Variants in CENPP observed in about 807,000 individuals in gnomAD.
CENPP encodes the protein centromere protein P.
A neutral mutation model predicts 35.6 loss-of-function variants in CENPP; 24 were observed. That is an observed-to-expected ratio of 0.67 (90% confidence interval 0.49 to 0.95). The LOEUF (loss-of-function observed/expected upper bound fraction) is 0.95, where lower values mean the gene tolerates loss of function less well. CENPP is among the 40% of genes least tolerant of loss of function. The pLI is 0.00. For synonymous variants in CENPP, 120 were observed against 125.5 expected (o/e 0.96, Z 0.29); for missense variants, 332 against 345.3 (o/e 0.96, Z 0.31).
intron 5 of CENPP, among the ~76,000 whole-genome samples, chr9:92,567,377 T>G (rs183742722): frequency 2.3e-5 from 2 of 87,528 alleles, no homozygotes; most frequent in Non-Finnish European, 4.6e-5. Context: ...AAGATAGATA[T>G]ATATATATAT....
intron 5 of CENPP, chr9:92,383,848 A>G (rs1440866904): frequency 1.3e-5 from 2 of 152,280 alleles, no homozygotes; most frequent in East Asian, 3.9e-4. Context: ...GTTTTGCTCC[A>G]TAAGTTTTAT....
intron 5 of CENPP, among the ~76,000 whole-genome samples, chr9:92,567,434 G>C (rs974789572): frequency 7.4e-6 from 1 of 134,556 alleles, no homozygotes; most frequent in African/African-American, 2.6e-5. Flanking sequence ...AGATTAATTA[G>C]CGTATCCATC....
chr9:92,581,262 G>A (rs1232761478), intron 5 of CENPP, among the ~76,000 whole-genome samples: 2 of 152,032 alleles, frequency 1.3e-5, no homozygotes, highest in African/African-American at 4.8e-5. Flanking sequence ...GGGTACTTCT[G>A]GGGTGTTGGC....
intron 5 of CENPP, among the ~76,000 whole-genome samples, chr9:92,590,118 G>A (rs1850632718): frequency 6.6e-6 from 1 of 152,208 alleles, no homozygotes; most frequent in Non-Finnish European, 1.5e-5. Flanking sequence ...GGAGGGCACT[G>A]GCAGGCACTG....
intron 4 of CENPP, among the ~76,000 whole-genome samples, chr9:92,365,406 C>CTTTTTTTTTTTT (rs33952600): frequency 1.2e-5 from 1 of 81,506 alleles, no homozygotes; most frequent in African/African-American, 5.2e-5. Context: ...TATAACTACT[C>CTTTTTTTTTTTT]TTTTTTTTTT....
chr9:92,483,464 G>A lies in CENPP; in HGVS notation c.564+103605G>A, dbSNP rs962265081. 3.3e-5 allele frequency among the ~76,000 whole-genome samples: 5 copies of A among 152,230 alleles called. No individual in the cohort carries two copies. The East Asian group carries it at 5.8e-4, about 18-fold the overall frequency. On this transcript the variant is annotated intron_variant, in intron 5 of 7. Coordinates refer to ENST00000375587, the MANE Select transcript of CENPP (RefSeq NM_001012267.3). ...AGGATGGTCTCGATCTCCTGACCTC[G>A]TGATCTGCCCGCCTCGGCCTCCCAA...
At chr9:92,410,201 G>A (rs1424147481) in intron 5 of CENPP, among the ~76,000 whole-genome samples, 1 of 152,160 alleles carries the variant, frequency 6.6e-6, no homozygotes, top group South Asian at 2.1e-4. Flanking sequence ...CTCCTGAAGT[G>A]CTGGGATTAC....
intron 7 of CENPP, 136 bp from the exon 8 acceptor site, chr9:92,612,883 C>A: frequency 9.5e-7 from 1 of 1,055,872 alleles, no homozygotes; most frequent in Non-Finnish European, 1.4e-6. Flanking sequence ...TCTCCTCGCC[C>A]GCCACTAGCA....
intron 5 of CENPP, among the ~76,000 whole-genome samples, chr9:92,554,913 G>A (rs1465689378): frequency 6.6e-6 from 1 of 152,156 alleles, no homozygotes; most frequent in African/African-American, 2.4e-5. Flanking sequence ...TGAGATTACA[G>A]GCATGAGCCA....
intron 5 of CENPP, among the ~76,000 whole-genome samples, chr9:92,592,330 C>A (rs2131376889): frequency 6.6e-6 from 1 of 152,278 alleles, no homozygotes; most frequent in South Asian, 2.1e-4. Context: ...GCACTGCTGG[C>A]TCCTGACAGC....
chr9:92,401,607 C>T (rs568475130), intron 5 of CENPP, among the ~76,000 whole-genome samples: 1 of 152,252 alleles, frequency 6.6e-6, no homozygotes, highest in East Asian at 1.9e-4. Context: ...ACTAGAGCTC[C>T]AGCCATGTCA....
At chr9:92,552,024 ATCTATCATATATGTGATATTATAGG>A (rs1197080230) in intron 5 of CENPP, among the ~76,000 whole-genome samples, 20,635 of 124,580 alleles carry the variant, frequency 0.17, 4,944 homozygotes, top group African/African-American at 0.35. Flanking sequence ...GATATGATAG[ATCTATCATATATGTGATATTATAGG>A]TCTATCATAT....
chr9:92,440,068 G>C (rs1844347689), intron 5 of CENPP, among the ~76,000 whole-genome samples: 1 of 152,156 alleles, frequency 6.6e-6, no homozygotes, highest in Non-Finnish European at 1.5e-5. Context: ...TGAGTAGCCT[G>C]ACGAAGTCCT....
intron 5 of CENPP, among the ~76,000 whole-genome samples, chr9:92,596,872 G>C (rs560099008): frequency 1.3e-5 from 2 of 151,804 alleles, no homozygotes; most frequent in African/African-American, 4.8e-5. Context: ...TCCTTTACTA[G>C]ATCAGGGCTC....
At position 92,592,317 on chromosome 9, in the gene CENPP, C is replaced by T. The variant is rs533039074; in HGVS notation, c.565-18997C>T. ...TTTCCATTCATTCTCCAGCCCAGGG[C>T]GAGCACTGCTGGCTCCTGACAGCAG... On this transcript the variant is annotated intron_variant, in intron 5 of 7. Coordinates refer to ENST00000375587, the MANE Select transcript of CENPP (RefSeq NM_001012267.3). 6.6e-5 allele frequency among the ~76,000 whole-genome samples: 10 copies of T among 152,150 alleles called. No individual in the cohort carries two copies. The East Asian group carries it at 7.7e-4, about 12-fold the overall frequency.
At chr9:92,419,108 T>G (rs545324503) in intron 5 of CENPP, among the ~76,000 whole-genome samples, 2 of 152,252 alleles carry the variant, frequency 1.3e-5, no homozygotes, top group South Asian at 4.1e-4. Flanking sequence ...AAGGGCACAC[T>G]TCACAATGAA....
At chr9:92,447,053 G>A (rs1030798198) in intron 5 of CENPP, among the ~76,000 whole-genome samples, 1 of 152,096 alleles carries the variant, frequency 6.6e-6, no homozygotes, top group Non-Finnish European at 1.5e-5. Flanking sequence ...TTGCTTGCAT[G>A]ATTCAGCTTC....
intron 5 of CENPP, among the ~76,000 whole-genome samples, chr9:92,520,072 A>C (rs1847969339): frequency 1.3e-5 from 1 of 77,276 alleles, no homozygotes; most frequent in Admixed American, 1.0e-4. Context: ...TCTTGAGGCC[A>C]GGAATTTGAG....
chr9:92,607,358 A>G (rs902584896), intron 5 of CENPP, among the ~76,000 whole-genome samples: 11 of 152,248 alleles, frequency 7.2e-5, no homozygotes, highest in Non-Finnish European at 7.3e-5. Context: ...ACTAAAATAC[A>G]AATGAAAGCA....
Sources: allele counts gnomAD v4.1 joint callset (sites outside exome capture counted in the v4.1 genomes callset), GRCh38; gene constraint gnomAD v4.1.1; transcripts MANE v1.5; gene names NCBI Gene and HGNC (gene_info 2026-07-23, HGNC 2026-07-21).